The following KBTBD2 variants were observed in gnomAD, a reference collection of about 807,000 sequenced individuals.
KBTBD2 encodes kelch repeat and BTB domain-containing protein 2.
KBTBD2 carries 17 observed loss-of-function variants against 57.1 expected under a neutral mutation model. The ratio of observed to expected loss-of-function variants is 0.30; its 90% CI spans 0.20 to 0.45. The LOEUF is 0.45. Ranked by LOEUF, KBTBD2 falls within the 20% of genes least tolerant of loss-of-function variation. The pLI is 1.00. For missense variants in KBTBD2, 515 were observed against 750.6 expected, an observed-to-expected ratio of 0.69 and a Z score of 3.67; for synonymous variants, 267 against 262.7, an observed-to-expected ratio of 1.02 and a Z score of -0.16.
chr7:32,875,340 T>C (rs1166444237), intron 2 of KBTBD2, among the ~76,000 whole-genome samples, 183 bp from the exon 3 acceptor site: 3 of 152,184 alleles, frequency 2.0e-5, no homozygotes, highest in African/African-American at 4.8e-5. Flanking sequence ...GGTACCATCA[T>C]GGCTCACCAC....
Position 32,875,014 on chromosome 7 carries a change from T to C in KBTBD2, c.314A>G (p.Tyr105Cys). ...AMNDSTVEQL[Y>C]ETACFLQVED... ...TACCTGTAGGAAGCAAGCTGTTTCATAAAGCTGTTCTACAGTGCTGTCATT... is the reference window on the plus strand; with the variant it reads ...TACCTGTAGGAAGCAAGCTGTTTCACAAAGCTGTTCTACAGTGCTGTCATT... The change falls in exon 3 of 4, where the codon TAT becomes TGT. Residue 105 changes from tyrosine (Y) to cysteine (C), a missense_variant. Coordinates refer to ENST00000304056, the MANE Select transcript of KBTBD2 (RefSeq NM_015483.3). 5 of 1,614,100 alleles carry C rather than the reference T, an allele frequency of 3.1e-6. No homozygotes were observed. The highest frequency in any genetic ancestry group is 4.2e-6 in the Non-Finnish European group (5 of 1,179,938).
intron 1 of KBTBD2, among the ~76,000 whole-genome samples, chr7:32,884,709 A>G (rs79279797): frequency 0.11 from 16,741 of 151,772 alleles, 979 homozygotes; most frequent in East Asian, 0.14. Flanking sequence ...AAAAATAAAA[A>G]TAGTAATAAT....
chr7:32,879,383 A>C, intron 2 of KBTBD2, 52 bp downstream of exon 2: 2 of 1,389,888 alleles, frequency 1.4e-6, no homozygotes, highest in Non-Finnish European at 2.0e-6. Context: ...GCTTTTTAAA[A>C]AATTAAATAA....
intron 2 of KBTBD2, 79 bp from the exon 3 acceptor site, chr7:32,875,236 A>G (rs1381757660): frequency 1.2e-5 from 15 of 1,254,106 alleles, no homozygotes; most frequent in Non-Finnish European, 1.6e-5. Flanking sequence ...CAATTAGACA[A>G]TAAGAGGTGT....
chr7:32,884,995 TATA>T (rs1784537633), intron 1 of KBTBD2, among the ~76,000 whole-genome samples: 1 of 76,710 alleles, frequency 1.3e-5, no homozygotes, highest in African/African-American at 8.1e-5. Flanking sequence ...TATATACACA[TATA>T]TGTGTATATA....
chr7:32,890,882 T>G (rs1583798259), intron 1 of KBTBD2: 1 of 152,256 alleles, frequency 6.6e-6, no homozygotes, highest in East Asian at 1.9e-4. Context: ...CACACCAAAC[T>G]AAGCGATTTT....
intron 1 of KBTBD2, among the ~76,000 whole-genome samples, chr7:32,881,030 G>A (rs1352121446): frequency 6.6e-6 from 1 of 151,526 alleles, no homozygotes; most frequent in Non-Finnish European, 1.5e-5. Context: ...GAACCCGGGA[G>A]GTGGAGATTG....
chr7:32,888,989 C>T (rs955268029), intron 1 of KBTBD2, among the ~76,000 whole-genome samples: 13 of 152,116 alleles, frequency 8.5e-5, no homozygotes, highest in Non-Finnish European at 4.4e-5. Context: ...TTCCTTTTTC[C>T]TCTCACCTCT....
chr7:32,882,410 T>C (rs1784467261), intron 1 of KBTBD2, among the ~76,000 whole-genome samples: 1 of 152,180 alleles, frequency 6.6e-6, no homozygotes, highest in Non-Finnish European at 1.5e-5. Context: ...TTTTCTGCAA[T>C]GATTTTGGGG....
chr7:32,873,995 G>A (rs182290422), intron 3 of KBTBD2, among the ~76,000 whole-genome samples: 1 of 152,278 alleles, frequency 6.6e-6, no homozygotes, highest in East Asian at 1.9e-4. Flanking sequence ...AGGCATGGTG[G>A]TTCATACCTG....
chr7:32,883,766 C>G (rs767382098), intron 1 of KBTBD2, among the ~76,000 whole-genome samples: 1 of 152,194 alleles, frequency 6.6e-6, no homozygotes, highest in Non-Finnish European at 1.5e-5. Context: ...TTATTGAATA[C>G]TAAGTGCCAA....
chr7:32,892,006 TCG>T (rs200619313), upstream of KBTBD2: 71,055 of 146,626 alleles, frequency 0.48, 18,685 homozygotes, highest in African/African-American at 0.71. Context: ...CCCTCCCGCC[TCG>T]CGCGCGCGCG....
intron 1 of KBTBD2, among the ~76,000 whole-genome samples, chr7:32,888,356 CCTTT>C (rs1190141187): frequency 3.9e-5 from 6 of 152,042 alleles, no homozygotes; most frequent in African/African-American, 1.4e-4. Flanking sequence ...ATAAAACAAG[CCTTT>C]CTTTATTTCA....
intron 1 of KBTBD2, among the ~76,000 whole-genome samples, chr7:32,885,248 T>C (rs1651394645): frequency 6.6e-6 from 1 of 151,814 alleles, no homozygotes; most frequent in East Asian, 1.9e-4. Context: ...GCAAGAATAA[T>C]GTTTCTCTTC....
intron 1 of KBTBD2, among the ~76,000 whole-genome samples, chr7:32,888,946 G>A (rs1462737259): frequency 3.9e-5 from 6 of 152,162 alleles, no homozygotes; most frequent in African/African-American, 1.4e-4. Context: ...AATCATATGA[G>A]TATACTATGT....
At chr7:32,879,393 A>G in intron 2 of KBTBD2, 42 bp downstream of exon 2, 1 of 1,430,490 alleles carries the variant, frequency 7.0e-7, no homozygotes, top group Non-Finnish European at 9.5e-7. Context: ...AAATTAAATA[A>G]CATTTCAAAG....
At chr7:32,882,680 G>C (rs1298802067) in intron 1 of KBTBD2, among the ~76,000 whole-genome samples, 1 of 152,120 alleles carries the variant, frequency 6.6e-6, no homozygotes, top group East Asian at 1.9e-4. Context: ...AAATAAACAA[G>C]TACAATTAAA....
At chr7:32,891,915 GC>G (rs1784768523), upstream of KBTBD2, 1 of 41,860 alleles carries the variant, frequency 2.4e-5, no homozygotes, top group Non-Finnish European at 4.2e-5. Flanking sequence ...CCCGCCGCGC[GC>G]TCTCGCCCCC....
chr7:32,870,997 T>A, intron 3 of KBTBD2, 117 bp from the exon 4 acceptor site: 1 of 625,050 alleles, frequency 1.6e-6, no homozygotes, highest in Non-Finnish European at 2.7e-6. Flanking sequence ...TATTTTCAGA[T>A]ACACACATCT....
Sources: gnomAD v4.1 joint callset for allele counts (sites outside exome capture counted in the v4.1 genomes callset) on GRCh38, gnomAD v4.1.1 for gene constraint, MANE v1.5 for transcripts, NCBI Gene and HGNC (gene_info 2026-07-23, HGNC 2026-07-21) for gene names.